WDR59: variants seen among roughly 807,000 people sequenced by gnomAD.
WDR59 encodes the protein GATOR2 complex protein WDR59.
Under a neutral mutation model 131.2 loss-of-function variants are expected in WDR59, and 100 were observed. The observed-to-expected ratio is 0.76, with a 90% CI of 0.65 to 0.90. The LOEUF is 0.90. Ranked by LOEUF, WDR59 falls within the 40% of genes least tolerant of loss-of-function variation. WDR59 has a pLI of 0.00. For missense variants in WDR59, 1,203 were observed against 1,262.2 expected (o/e 0.95, Z 0.71); for synonymous variants, 601 against 466.2 (o/e 1.29, Z -3.72).
chr16:74,920,407 T>G (rs988053386), intron 10 of WDR59, among the ~76,000 whole-genome samples: 1 of 152,050 alleles, frequency 6.6e-6, no homozygotes, highest in African/African-American at 2.4e-5. Context: ...AATATATATA[T>G]ATATTTTTTC....
intron 25 of WDR59, among the ~76,000 whole-genome samples, chr16:74,880,831 G>C (rs72796692): frequency 0.062 from 9,468 of 152,274 alleles, 361 homozygotes; most frequent in South Asian, 0.092. Flanking sequence ...AACTCCAAAG[G>C]TGCAGGGTCA....
At chr16:74,909,480 C>G (rs759522159) in intron 16 of WDR59, 21 bp downstream of exon 16, 2 of 1,520,726 alleles carry the variant, frequency 1.3e-6, no homozygotes, top group Admixed American at 2.3e-5. Context: ...AATCTAGAAT[C>G]AAAGAACCAA....
chr16:74,885,378 G>C (rs1006142519), intron 25 of WDR59, among the ~76,000 whole-genome samples: 1 of 144,068 alleles, frequency 6.9e-6, no homozygotes, highest in Non-Finnish European at 1.5e-5. Flanking sequence ...GAACCCAGAA[G>C]GCAGAGGTTC....
At chr16:74,916,558 G>T (rs1166475101) in intron 11 of WDR59, among the ~76,000 whole-genome samples, 1 of 152,088 alleles carries the variant, frequency 6.6e-6, no homozygotes, top group African/African-American at 2.4e-5. Context: ...GCTAATCCAG[G>T]AGCAAAAATA....
intron 17 of WDR59, among the ~76,000 whole-genome samples, chr16:74,907,958 C>G (rs965464450): frequency 6.6e-6 from 1 of 152,164 alleles, no homozygotes; most frequent in African/African-American, 2.4e-5. Context: ...GATCTGGGCA[C>G]GTTGGCTCTG....
At position 74,955,287 on chromosome 16, in the gene WDR59, A is replaced by C. The variant is rs576951374; in HGVS notation, c.240+1188T>G. Among the ~76,000 whole-genome samples the C allele has an allele frequency of 9.9e-5, 15 of 152,236 alleles. No homozygotes were observed. The South Asian group carries it at 3.1e-3, about 32-fold the overall frequency. ...TTGATTGTCATAACAACAGGTGGGGAGCATACTACTGAGATCTAGCAGGTA... is the reference window on the plus strand; with the variant it reads ...TTGATTGTCATAACAACAGGTGGGGCGCATACTACTGAGATCTAGCAGGTA... On this transcript the variant is annotated intron_variant, in intron 3 of 25. Coordinates refer to ENST00000262144, the MANE Select transcript of WDR59 (RefSeq NM_030581.4).
At position 74,874,059 on chromosome 16, in the gene WDR59, CA is replaced by C. The variant is rs1964084072; in HGVS notation, c.*149del. ...AACAGAAGAGAAGGCAGAGGCCCAC[CA>C]AGAGCTGATGCTGCGCAGTCCTTGG... On this transcript the variant is annotated 3_prime_UTR_variant, in exon 26 of 26. Transcript: ENST00000262144. 1 of 656,858 alleles carries C rather than the reference CA, an allele frequency of 1.5e-6. No individual in the cohort carries two copies. The highest frequency in any genetic ancestry group is 2.6e-6 in the Non-Finnish European group (1 of 386,804). 40.7% of individuals were successfully genotyped at this position (656,858 alleles called of 1,614,324 possible). A position where few individuals can be genotyped will look rare whatever the true frequency, so the allele number is the denominator to read the frequency against.
chr16:74,923,169 T>C (rs2030422595), intron 9 of WDR59, among the ~76,000 whole-genome samples: 1 of 152,222 alleles, frequency 6.6e-6, no homozygotes, highest in Non-Finnish European at 1.5e-5. Flanking sequence ...AAGGAGGGCA[T>C]AGTAAAAATT....
intron 25 of WDR59, among the ~76,000 whole-genome samples, chr16:74,882,742 A>G (rs1261433442): frequency 1.4e-5 from 2 of 140,446 alleles, no homozygotes; most frequent in Non-Finnish European, 3.1e-5. Context: ...CTTGGGAGGC[A>G]GAGGTTGCAG....
intron 14 of WDR59, 124 bp from the exon 15 acceptor site, chr16:74,910,041 C>T: frequency 1.3e-6 from 1 of 750,472 alleles, no homozygotes; most frequent in Non-Finnish European, 2.1e-6. Flanking sequence ...GATCTCGGCT[C>T]ATTGCAACCT....
intron 8 of WDR59, among the ~76,000 whole-genome samples, chr16:74,929,014 A>G (rs562799323): frequency 6.3e-4 from 96 of 152,260 alleles, no homozygotes; most frequent in African/African-American, 2.3e-3. Context: ...AAACAACTCA[A>G]TAGGAAAAAA....
intron 25 of WDR59, among the ~76,000 whole-genome samples, chr16:74,879,134 C>T (rs1412008423): frequency 6.6e-6 from 1 of 152,158 alleles, no homozygotes; most frequent in Non-Finnish European, 1.5e-5. Flanking sequence ...GGGGGTATCG[C>T]TTGAGCCCAG....
rs142671049 is a variant in WDR59 at position 74,909,568 on chromosome 16, A to G, written c.1575T>C (p.Ala525=). ...TGTTGGCGTCCTGGTACGACCCGTA[A>G]GCCGTGGTCACCCGCGCAAACGTCG... ...PLPTFARVTT[A]YGSYQDANIP... Residue 525 remains alanine (A), a synonymous_variant, in exon 16 of 26, where the codon GCT becomes GCC. Transcript: ENST00000262144. 196 of 1,611,076 alleles carry G rather than the reference A, an allele frequency of 1.2e-4. No homozygotes were observed. In the Middle Eastern group the frequency reaches 2.6e-3, roughly 22 times the overall value.
chr16:74,886,050 T>A, intron 24 of WDR59: 1 of 662,656 alleles, frequency 1.5e-6, no homozygotes, highest in African/African-American at 1.8e-5. Context: ...TGGTGGCGTG[T>A]GCCTGTAATC....
chr16:74,958,753 G>A (rs911976694), intron 2 of WDR59, among the ~76,000 whole-genome samples: 1 of 152,070 alleles, frequency 6.6e-6, no homozygotes, highest in African/African-American at 2.4e-5. Context: ...AACAAAACTA[G>A]GACACCTGTT....
intron 19 of WDR59, 117 bp downstream of exon 19, chr16:74,893,562 C>A: frequency 9.0e-7 from 1 of 1,113,252 alleles, no homozygotes. Context: ...AAAGCTAATA[C>A]ATTGGGCTTT....
intron 18 of WDR59, chr16:74,899,801 A>T (rs1567699705): frequency 1.6e-6 from 2 of 1,242,076 alleles, no homozygotes; most frequent in Non-Finnish European, 2.1e-6. Context: ...AAAAACACCA[A>T]GAAAATTAAA....
intron 9 of WDR59, among the ~76,000 whole-genome samples, 158 bp from the exon 10 acceptor site, chr16:74,922,261 C>A (rs2030317279): frequency 6.6e-6 from 1 of 152,212 alleles, no homozygotes; most frequent in Non-Finnish European, 1.5e-5. Context: ...CCATAGGCTG[C>A]ACATCGCGTC....
At position 74,873,372 on chromosome 16, in the gene WDR59, G is replaced by A. The variant is rs565641125; in HGVS notation, c.*837C>T. On this transcript the variant is annotated 3_prime_UTR_variant, in exon 26 of 26. Coordinates refer to ENST00000262144, the MANE Select transcript of WDR59 (RefSeq NM_030581.4). ...GGAGACTTTTCTATCCATGCTGCAC[G>A]GCAATCTTGTCCTCCTTTTGCTAGA... The A allele has an allele frequency of 1.3e-5, 2 of 152,308 alleles. No individual in the cohort carries two copies. Among genetic ancestry groups the A allele is most frequent in the South Asian group, 2.1e-4 (1 of 4,820 alleles). 9.4% of individuals were successfully genotyped at this position (152,308 alleles called of 1,614,324 possible). A position where few individuals can be genotyped will look rare whatever the true frequency, so the allele number is the denominator to read the frequency against.
Sources: allele counts gnomAD v4.1 joint callset (sites outside exome capture counted in the v4.1 genomes callset), GRCh38; gene constraint gnomAD v4.1.1; transcripts MANE v1.5; gene names NCBI Gene and HGNC (gene_info 2026-07-23, HGNC 2026-07-21).